The following PCLO variants were observed in gnomAD, a reference collection of about 807,000 sequenced individuals.
PCLO encodes the protein piccolo presynaptic cytomatrix protein.
A neutral mutation model predicts 427.5 loss-of-function variants in PCLO; 82 were observed. That is an observed-to-expected ratio of 0.19 (90% CI 0.16 to 0.23). The LOEUF (loss-of-function observed/expected upper bound fraction) is 0.23, where lower values mean the gene tolerates loss of function less well. PCLO is among the 10% of genes least tolerant of loss of function. PCLO has a pLI of 1.00. For missense variants in PCLO, 6,239 were observed against 6,115.9 expected (o/e 1.02, Z -0.67); for synonymous variants, 2,357 against 2,155.4 (o/e 1.09, Z -2.59).
intron 3 of PCLO, among the ~76,000 whole-genome samples, chr7:83,039,443 C>A (rs1788916722): frequency 6.6e-6 from 1 of 151,996 alleles, no homozygotes; most frequent in Non-Finnish European, 1.5e-5. Flanking sequence ...CAAACTGTCC[C>A]AGTGCAATCT....
chr7:83,093,390 T>G (rs995794929), intron 3 of PCLO, among the ~76,000 whole-genome samples: 7 of 150,618 alleles, frequency 4.6e-5, no homozygotes, highest in Admixed American at 1.3e-4. Context: ...TAATACAATA[T>G]TACATTTTGA....
At chr7:82,799,634 C>A (rs189376494) in intron 22 of PCLO, among the ~76,000 whole-genome samples, 2 of 152,214 alleles carry the variant, frequency 1.3e-5, no homozygotes, top group African/African-American at 4.8e-5. Context: ...CAGACCTCTC[C>A]GTCAACTGGC....
At chr7:83,142,759 A>G (rs940183168) in intron 2 of PCLO, among the ~76,000 whole-genome samples, 1 of 152,022 alleles carries the variant, frequency 6.6e-6, no homozygotes, top group Non-Finnish European at 1.5e-5. Flanking sequence ...AGGAGTCCAA[A>G]ACCAGCCTGG....
At chr7:83,150,248 G>A (rs1052936814) in intron 2 of PCLO, among the ~76,000 whole-genome samples, 1 of 152,122 alleles carries the variant, frequency 6.6e-6, no homozygotes, top group African/African-American at 2.4e-5. Flanking sequence ...GAAAGCAAAC[G>A]TTCAGGTTCT....
At position 82,952,069 on chromosome 7, in the gene PCLO, G is replaced by A; in HGVS notation, c.8884C>T (p.Leu2962Phe). ...CTATAACCAAAACGATCCTCAGGAAGAGTAGTTGCAGGCTGCTGTGCTGTG... is the reference window on the plus strand; with the variant it reads ...CTATAACCAAAACGATCCTCAGGAAAAGTAGTTGCAGGCTGCTGTGCTGTG... ...SCTAQQPATT[L>F]PEDRFGYRDD... Residue 2962 changes from leucine to phenylalanine, a missense_variant, in exon 5 of 25, where the codon CTT becomes TTT. By Grantham distance (22) the Leu-to-Phe change is conservative. Transcript: ENST00000333891. The A allele has an allele frequency of 6.2e-7, 1 of 1,613,958 alleles. No homozygotes were observed. The highest frequency in any genetic ancestry group is 8.5e-7 in the Non-Finnish European group (1 of 1,179,860).
chr7:82,784,715 T>C (rs1188420907), intron 22 of PCLO, among the ~76,000 whole-genome samples: 1 of 152,236 alleles, frequency 6.6e-6, no homozygotes, highest in Non-Finnish European at 1.5e-5. Context: ...TACAAAAAGG[T>C]ATATCTGTGA....
At chr7:83,148,835 G>A (rs2116663320) in intron 2 of PCLO, among the ~76,000 whole-genome samples, 1 of 152,200 alleles carries the variant, frequency 6.6e-6, no homozygotes, top group Non-Finnish European at 1.5e-5. Flanking sequence ...GTAATCAACA[G>A]TTTTTTGTCT....
intron 3 of PCLO, among the ~76,000 whole-genome samples, chr7:83,101,528 CTAAG>C (rs1562964817): frequency 6.6e-6 from 1 of 151,834 alleles, no homozygotes; most frequent in East Asian, 1.9e-4. Context: ...AGAAAATAAA[CTAAG>C]TATTTTTACT....
intron 6 of PCLO, among the ~76,000 whole-genome samples, chr7:82,929,304 T>C (rs559115441): frequency 4.2e-4 from 64 of 152,216 alleles, no homozygotes; most frequent in South Asian, 1.7e-3. Flanking sequence ...ACAACCTTAT[T>C]AGAGAGGAAC....
chr7:83,038,044 TA>T lies in PCLO; in HGVS notation c.3301-71558del, dbSNP rs1269659477. Among the ~76,000 whole-genome samples, 128 of 46,904 alleles carry T rather than the reference TA, an allele frequency of 2.7e-3. 17 individuals carry two copies. The highest frequency in any genetic ancestry group is 3.6e-3 in the Non-Finnish European group (108 of 30,386). 30.8% of individuals were successfully genotyped at this position (46,904 alleles called of 152,430 possible). A position where few individuals can be genotyped will look rare whatever the true frequency, so the allele number is the denominator to read the frequency against. On this transcript the variant is annotated intron_variant, in intron 3 of 24. Coordinates refer to ENST00000333891, the MANE Select transcript of PCLO (RefSeq NM_033026.6). ...ATATATATATATTTATATATTTATA[TA>T]TATATCTTTATATATATATTTATAT...
intron 3 of PCLO, among the ~76,000 whole-genome samples, chr7:82,998,759 C>T (rs1292178878): frequency 6.6e-6 from 1 of 151,702 alleles, no homozygotes; most frequent in African/African-American, 2.4e-5. Flanking sequence ...TCATATCCAG[C>T]TATCAAGTAA....
intron 3 of PCLO, among the ~76,000 whole-genome samples, chr7:83,054,706 T>C (rs1583963510): frequency 1.3e-5 from 2 of 152,028 alleles, no homozygotes; most frequent in Middle Eastern, 6.8e-3. Context: ...CAGAGGTCAA[T>C]TGGCTGAAAA....
chr7:83,110,162 A>G (rs1790966993), intron 3 of PCLO, among the ~76,000 whole-genome samples: 1 of 151,494 alleles, frequency 6.6e-6, no homozygotes. Context: ...ATTGCTGTAA[A>G]TGTAGGCCTT....
At chr7:82,972,603 G>A (rs73387611) in intron 3 of PCLO, among the ~76,000 whole-genome samples, 11,204 of 151,960 alleles carry the variant, frequency 0.074, 1,402 homozygotes, top group African/African-American at 0.26. Context: ...TTCATTAAAG[G>A]TCAAGTGAAG....
At chr7:82,795,367 A>G (rs1791203058) in intron 22 of PCLO, among the ~76,000 whole-genome samples, 2 of 152,190 alleles carry the variant, frequency 1.3e-5, no homozygotes, top group Non-Finnish European at 2.9e-5. Flanking sequence ...AATATCTGAT[A>G]AAACAAGATT....
chr7:83,061,916 A>G (rs940348266), intron 3 of PCLO, among the ~76,000 whole-genome samples: 22 of 152,202 alleles, frequency 1.4e-4, no homozygotes, highest in African/African-American at 5.1e-4. Flanking sequence ...CCATTTTGGC[A>G]TCAAGGTCAT....
chr7:82,852,638 C>G (rs752234876), intron 10 of PCLO, among the ~76,000 whole-genome samples: 20 of 152,096 alleles, frequency 1.3e-4, no homozygotes, highest in Non-Finnish European at 2.5e-4. Flanking sequence ...TTTCCTTGCT[C>G]CTCAACTTGC....
chr7:83,074,497 T>C (rs1021294824), intron 3 of PCLO, among the ~76,000 whole-genome samples: 12 of 152,142 alleles, frequency 7.9e-5, no homozygotes, highest in Admixed American at 7.2e-4. Flanking sequence ...TGGACACCTA[T>C]GAGACGTAGA....
At position 83,053,744 on chromosome 7, in the gene PCLO, A is replaced by T. The variant is rs897656829; in HGVS notation, c.3300+80506T>A. Among the ~76,000 whole-genome samples the T allele has an allele frequency of 1.3e-5, 2 of 151,880 alleles. 1 individual carries two copies. Among genetic ancestry groups the T allele is most frequent in the Admixed American group, 1.3e-4 (2 of 15,218 alleles). ...AGTTTTCAATAACTCTCTTCTTTTC[A>T]ATCTAGATAATTACTTCCTAGGCTG... On this transcript the variant is annotated intron_variant, in intron 3 of 24. Transcript: ENST00000333891.
Sources: allele counts gnomAD v4.1 joint callset (sites outside exome capture counted in the v4.1 genomes callset), GRCh38; gene constraint gnomAD v4.1.1; transcripts MANE v1.5; gene names NCBI Gene and HGNC (gene_info 2026-07-23, HGNC 2026-07-21).